Variants in TRIM67 observed in about 807,000 individuals in gnomAD.
TRIM67 encodes tripartite motif-containing protein 67.
TRIM67 carries 39 observed loss-of-function variants against 71.0 expected under a neutral mutation model. That is an observed-to-expected ratio of 0.55 (90% CI 0.43 to 0.72). The LOEUF is 0.72. Ranked by LOEUF, TRIM67 falls within the 30% of genes least tolerant of loss-of-function variation. The pLI, the probability that TRIM67 is intolerant of heterozygous loss-of-function variation, is 0.00. For missense variants in TRIM67, 973 were observed against 1,079.2 expected, an observed-to-expected ratio of 0.90 and a Z score of 1.38; for synonymous variants, 481 against 473.9, an observed-to-expected ratio of 1.01 and a Z score of -0.19.
At chr1:231,187,055 G>A (rs963479558) in intron 1 of TRIM67, among the ~76,000 whole-genome samples, 2 of 152,188 alleles carry the variant, frequency 1.3e-5, no homozygotes, top group Non-Finnish European at 2.9e-5. Flanking sequence ...ATCAATCTAA[G>A]TCTAAAAACA....
chr1:231,166,648 A>G (rs1028160611), intron 1 of TRIM67, among the ~76,000 whole-genome samples: 7 of 152,362 alleles, frequency 4.6e-5, no homozygotes, highest in African/African-American at 1.7e-4. Context: ...CTGTGATTAA[A>G]GAAGCCATCA....
At position 231,206,643 on chromosome 1, in the gene TRIM67, C is replaced by G. The variant is rs752880136; in HGVS notation, c.1681-9C>G. 2 of 1,577,734 alleles carry G rather than the reference C, an allele frequency of 1.3e-6. No homozygotes were observed. The highest frequency in any genetic ancestry group is 1.7e-6 in the Non-Finnish European group (2 of 1,162,112). On this transcript the variant is annotated splice_polypyrimidine_tract_variant and intron_variant, in intron 6 of 9. Transcript: ENST00000366653. ...GAGGAGCCTGGTGAGCAGCATTGCT[C>G]TCTTTCAGGAAGTGTACGTCGGTAA...
Position 231,216,495 on chromosome 1 carries a change from A to G in TRIM67, c.*1055A>G, listed in dbSNP as rs1464845833. On this transcript the variant is annotated 3_prime_UTR_variant, in exon 10 of 10. Transcript: ENST00000366653. ...TCTGAGCTGAACCACTCTCAGACTC[A>G]TAAGCATTTAAAATGGGAGACCCTG... 3.1e-5 allele frequency: 31 copies of G among 985,378 alleles called. No homozygotes were observed. Among genetic ancestry groups the G allele is most frequent in the Non-Finnish European group, 3.6e-5 (30 of 829,956 alleles). The allele number at this position is 985,378 out of a possible 1,614,324, so 61.0% of individuals were successfully genotyped here.
intron 3 of TRIM67, among the ~76,000 whole-genome samples, 168 bp downstream of exon 3, chr1:231,199,337 C>T (rs1019013697): frequency 6.6e-6 from 1 of 152,224 alleles, no homozygotes; most frequent in Non-Finnish European, 1.5e-5. Flanking sequence ...CGGTTACATT[C>T]ATGTGACCTG....
intron 8 of TRIM67, among the ~76,000 whole-genome samples, chr1:231,213,336 G>A (rs1025709347): frequency 2.0e-5 from 3 of 152,144 alleles, no homozygotes; most frequent in Admixed American, 1.3e-4. Context: ...TGTTAACAAG[G>A]TGTGTCCACT....
chr1:231,166,309 G>A (rs963927253), intron 1 of TRIM67, among the ~76,000 whole-genome samples: 1 of 152,142 alleles, frequency 6.6e-6, no homozygotes, highest in Non-Finnish European at 1.5e-5. Context: ...GATTTCTACA[G>A]AAAGGGAAAC....
chr1:231,164,413 A>G (rs1380343522), intron 1 of TRIM67, among the ~76,000 whole-genome samples: 2 of 152,152 alleles, frequency 1.3e-5, no homozygotes, highest in Non-Finnish European at 2.9e-5. Flanking sequence ...TCAGCAACTT[A>G]TGGCTGGCAA....
rs1288228074 is a variant in TRIM67, at chr1:231,218,615, T to G, written c.*3175T>G. The G allele has an allele frequency of 2.0e-6, 2 of 985,282 alleles. No homozygotes were observed. Among genetic ancestry groups the G allele is most frequent in the African/African-American group, 3.5e-5 (2 of 57,226 alleles). The allele number at this position is 985,282 out of a possible 1,614,324, so 61.0% of individuals were successfully genotyped here. A position where few individuals can be genotyped will look rare whatever the true frequency, so the allele number is the denominator to read the frequency against. On this transcript the variant is annotated 3_prime_UTR_variant, in exon 10 of 10. Coordinates refer to ENST00000366653, the MANE Select transcript of TRIM67 (RefSeq NM_001004342.5). ...CCTCTCTCTGTTCTCCTTGGGAAAA[T>G]AATGATTCCAATTAAAGAGGACACC...
Position 231,201,644 on chromosome 1 carries a change from C to T in TRIM67, c.1534+127C>T, listed in dbSNP as rs371918421. On this transcript the variant is annotated intron_variant, in intron 5 of 9. Coordinates refer to ENST00000366653, the MANE Select transcript of TRIM67 (RefSeq NM_001004342.5). ...GTGTGGCAGGGTGGGAGAGCAGGAGCGCCAGAGTCACGGACCTAGGTTCAA... is the reference window on the plus strand; with the variant it reads ...GTGTGGCAGGGTGGGAGAGCAGGAGTGCCAGAGTCACGGACCTAGGTTCAA... 17 of 1,213,054 alleles carry T rather than the reference C, an allele frequency of 1.4e-5. No individual in the cohort carries two copies. The East Asian group carries it at 1.8e-4, about 13-fold the overall frequency. The allele number at this position is 1,213,054 out of a possible 1,614,324, so 75.1% of individuals were successfully genotyped here. A position where few individuals can be genotyped will look rare whatever the true frequency, so the allele number is the denominator to read the frequency against.
rs1210816011 is a variant in TRIM67, at chr1:231,215,379, C to A, written c.2291C>A (p.Thr764Asn). Residue 764 changes from threonine to asparagine, a missense_variant, in exon 10 of 10, where the codon ACC (threonine) becomes AAC (asparagine). Transcript: ENST00000366653. The stretch of plus-strand genomic sequence containing the variant: ...TTGCCCTGTCTTCTTTTCCAGGTCA[C>A]CCTGCACACAGGATTGGAAGTGCCG... ...ALSLNRNVQV[T>N]LHTGLEVPTN... 6.2e-7 allele frequency: 1 copy of A among 1,613,010 alleles called. No individual in the cohort carries two copies. Among genetic ancestry groups the A allele is most frequent in the Non-Finnish European group, 8.5e-7 (1 of 1,179,352 alleles).
intron 7 of TRIM67, 53 bp from the exon 8 acceptor site, chr1:231,208,894 T>G: frequency 6.7e-7 from 1 of 1,503,030 alleles, no homozygotes; most frequent in South Asian, 1.3e-5. Flanking sequence ...GGTTAGAAAC[T>G]ACTAGCAAAT....
chr1:231,167,317 G>GTTTTTTTTTTTTTTTTT (rs1340006817), intron 1 of TRIM67, among the ~76,000 whole-genome samples: 1 of 66,800 alleles, frequency 1.5e-5, no homozygotes, highest in Non-Finnish European at 2.9e-5. Context: ...TCACTCTAAT[G>GTTTTTTTTTTTTTTTTT]TCTTTTTTTT....
chr1:231,202,393 C>G (rs996855470), intron 5 of TRIM67, among the ~76,000 whole-genome samples: 1 of 152,058 alleles, frequency 6.6e-6, no homozygotes, highest in African/African-American at 2.4e-5. Flanking sequence ...TCCAAAGTCC[C>G]TGAGGCAAGA....
At chr1:231,183,342 T>C (rs1234763915) in intron 1 of TRIM67, among the ~76,000 whole-genome samples, 1 of 152,190 alleles carries the variant, frequency 6.6e-6, no homozygotes, top group African/African-American at 2.4e-5. Context: ...CTCACACCTG[T>C]AATCTCAGTG....
chr1:231,173,666 G>A (rs1456459917), intron 1 of TRIM67, among the ~76,000 whole-genome samples: 1 of 152,204 alleles, frequency 6.6e-6, no homozygotes, highest in Non-Finnish European at 1.5e-5. Flanking sequence ...AGGCAGAAGT[G>A]TACAGGGCCT....
chr1:231,218,471 A>G lies in TRIM67; in HGVS notation c.*3031A>G. The G allele has an allele frequency of 1.0e-6, 1 of 985,474 alleles. No homozygotes were observed. The highest frequency in any genetic ancestry group is 1.2e-6 in the Non-Finnish European group (1 of 829,954). 61.0% of individuals were successfully genotyped at this position (985,474 alleles called of 1,614,324 possible). A position where few individuals can be genotyped will look rare whatever the true frequency, so the allele number is the denominator to read the frequency against. The stretch of plus-strand genomic sequence containing the variant: ...TAGTGAGCAAGCTTGGTCAAAGTGT[A>G]TGCCTTTTCCTTTTAAAATTAATCT... On this transcript the variant is annotated 3_prime_UTR_variant, in exon 10 of 10. Transcript: ENST00000366653.
intron 1 of TRIM67, chr1:231,187,439 T>C (rs1683114625): frequency 5.9e-6 from 7 of 1,196,086 alleles, no homozygotes; most frequent in South Asian, 1.5e-5. Context: ...TTATTTCTAC[T>C]GTTCTGCCAA....
intron 1 of TRIM67, among the ~76,000 whole-genome samples, chr1:231,192,314 G>A (rs1439716247): frequency 1.3e-5 from 2 of 151,992 alleles, no homozygotes; most frequent in Non-Finnish European, 2.9e-5. Flanking sequence ...CACCACACCT[G>A]GCTTATTTTT....
chr1:231,178,475 A>G (rs9431663), intron 1 of TRIM67, among the ~76,000 whole-genome samples: 50,608 of 152,136 alleles, frequency 0.33, 8,715 homozygotes, highest in South Asian at 0.48. Flanking sequence ...TTATTATTGA[A>G]CGTCAAGGCT....
Sources: allele counts gnomAD v4.1 joint callset (sites outside exome capture counted in the v4.1 genomes callset), GRCh38; gene constraint gnomAD v4.1.1; transcripts MANE v1.5; gene names NCBI Gene and HGNC (gene_info 2026-07-23, HGNC 2026-07-21).